The following CACNA2D1 variants were observed in gnomAD, a reference collection of about 807,000 sequenced individuals.
CACNA2D1 encodes the protein voltage-dependent calcium channel subunit alpha-2/delta-1.
CACNA2D1 carries 53 observed loss-of-function variants against 171.5 expected under a neutral mutation model. That is an observed-to-expected ratio of 0.31 (90% CI 0.25 to 0.39). The LOEUF (loss-of-function observed/expected upper bound fraction) is 0.39, where lower values mean the gene tolerates loss of function less well. Among genes scored for constraint, CACNA2D1 ranks in the 10% least tolerant of loss-of-function variants. The probability of loss-of-function intolerance (pLI) is 1.00; values close to 1 mark genes in which losing one functional copy is unlikely to be tolerated. For missense variants in CACNA2D1, 903 were observed against 1,299.8 expected (o/e 0.69, Z 4.69); for synonymous variants, 442 against 443.1 (o/e 1.00, Z 0.03).
At chr7:82,080,143 C>A (rs1266498724) in intron 7 of CACNA2D1, among the ~76,000 whole-genome samples, 2 of 54,696 alleles carry the variant, frequency 3.7e-5, no homozygotes, top group East Asian at 3.4e-4. Flanking sequence ...ATATACACAC[C>A]TATATACCTA....
At chr7:82,041,335 C>G (rs2131233836) in intron 10 of CACNA2D1, among the ~76,000 whole-genome samples, 1 of 152,136 alleles carries the variant, frequency 6.6e-6, no homozygotes, top group South Asian at 2.1e-4. Flanking sequence ...AGAGGAATGG[C>G]CCTTTAGGAA....
chr7:82,381,207 G>A (rs969963892), intron 1 of CACNA2D1, among the ~76,000 whole-genome samples: 7 of 151,766 alleles, frequency 4.6e-5, no homozygotes, highest in South Asian at 2.1e-4. Context: ...CCAGCTACCC[G>A]GGAGGCTGAG....
intron 1 of CACNA2D1, among the ~76,000 whole-genome samples, chr7:82,427,475 G>A (rs186857909): frequency 4.6e-5 from 7 of 152,280 alleles, no homozygotes; most frequent in African/African-American, 1.2e-4. Flanking sequence ...AAGATGTTAC[G>A]AAGGTAGGTC....
intron 3 of CACNA2D1, among the ~76,000 whole-genome samples, chr7:82,280,971 C>G (rs1313269383): frequency 6.6e-6 from 1 of 152,168 alleles, no homozygotes; most frequent in South Asian, 2.1e-4. Context: ...ATTTGGGTTT[C>G]CTTTAGCTGC....
At chr7:82,136,813 G>A in intron 4 of CACNA2D1, 137 bp from the exon 5 acceptor site, 1 of 643,858 alleles carries the variant, frequency 1.6e-6, no homozygotes, top group Non-Finnish European at 2.6e-6. Context: ...GATCCATAAG[G>A]ATTAGCCACT....
chr7:82,121,511 A>T (rs920672086), intron 5 of CACNA2D1, among the ~76,000 whole-genome samples: 1 of 152,200 alleles, frequency 6.6e-6, no homozygotes, highest in African/African-American at 2.4e-5. Flanking sequence ...GCCAGGTTGA[A>T]TATTAAATGA....
intron 1 of CACNA2D1, among the ~76,000 whole-genome samples, chr7:82,429,400 GA>G (rs1053599462): frequency 3.3e-5 from 5 of 150,894 alleles, no homozygotes; most frequent in Middle Eastern, 3.4e-3. Context: ...AAGGAAGAAG[GA>G]AAAAAAAATC....
intron 3 of CACNA2D1, among the ~76,000 whole-genome samples, chr7:82,228,196 T>C (rs1297313847): frequency 6.6e-6 from 1 of 152,174 alleles, no homozygotes; most frequent in African/African-American, 2.4e-5. Flanking sequence ...AGTCAGAGAC[T>C]ATAAGGAAAA....
intron 15 of CACNA2D1, among the ~76,000 whole-genome samples, chr7:82,010,261 CTG>C (rs1226259190): frequency 6.6e-6 from 1 of 151,832 alleles, no homozygotes; most frequent in East Asian, 1.9e-4. Flanking sequence ...TTTTAATCTG[CTG>C]TGTGGAGAGA....
chr7:82,346,648 T>G (rs1585592659), intron 2 of CACNA2D1, among the ~76,000 whole-genome samples: 1 of 152,230 alleles, frequency 6.6e-6, no homozygotes, highest in Middle Eastern at 3.4e-3. Flanking sequence ...GGTTTTAAAT[T>G]ATGCATGTAT....
chr7:82,432,903 C>T (rs943018056), intron 1 of CACNA2D1, among the ~76,000 whole-genome samples: 4 of 152,100 alleles, frequency 2.6e-5, no homozygotes, highest in Non-Finnish European at 2.9e-5. Context: ...CTAATGACAT[C>T]GGCTGGGTGT....
chr7:82,419,305 C>A (rs1468870838), intron 1 of CACNA2D1, among the ~76,000 whole-genome samples: 6 of 152,120 alleles, frequency 3.9e-5, no homozygotes, highest in Non-Finnish European at 7.3e-5. Context: ...AACAAATACC[C>A]TTAGCAAGAG....
intron 25 of CACNA2D1, among the ~76,000 whole-genome samples, chr7:81,972,975 T>C (rs1441800615): frequency 6.6e-6 from 1 of 152,000 alleles, no homozygotes; most frequent in Non-Finnish European, 1.5e-5. Flanking sequence ...AACTGAATCA[T>C]TTAAAAAACA....
intron 6 of CACNA2D1, among the ~76,000 whole-genome samples, chr7:82,111,132 T>C (rs1009955884): frequency 6.6e-6 from 1 of 151,374 alleles, no homozygotes; most frequent in Non-Finnish European, 1.5e-5. Context: ...TTAACATACA[T>C]ATATATTTGA....
At chr7:82,423,344 G>T (rs1273803080) in intron 1 of CACNA2D1, among the ~76,000 whole-genome samples, 1 of 152,052 alleles carries the variant, frequency 6.6e-6, no homozygotes, top group African/African-American at 2.4e-5. Flanking sequence ...TCTGCTTCTT[G>T]ACTATATACA....
chr7:82,179,606 G>C (rs191782379), intron 3 of CACNA2D1, among the ~76,000 whole-genome samples: 2 of 152,144 alleles, frequency 1.3e-5, no homozygotes. Flanking sequence ...TGTCCCATGT[G>C]ACCGCTCCTT....
chr7:82,098,440 T>C (rs1464183780), intron 6 of CACNA2D1, among the ~76,000 whole-genome samples: 1 of 152,196 alleles, frequency 6.6e-6, no homozygotes, highest in African/African-American at 2.4e-5. Flanking sequence ...TTTATTTGCC[T>C]TTTTCAAAAT....
intron 3 of CACNA2D1, among the ~76,000 whole-genome samples, chr7:82,294,324 CAT>C (rs1812008202): frequency 6.6e-6 from 1 of 152,022 alleles, no homozygotes; most frequent in African/African-American, 2.4e-5. Flanking sequence ...TCAGCTGTAA[CAT>C]AGATGCAGGA....
intron 1 of CACNA2D1, among the ~76,000 whole-genome samples, chr7:82,427,543 A>C (rs1382227239): frequency 6.6e-6 from 1 of 152,196 alleles, no homozygotes; most frequent in Non-Finnish European, 1.5e-5. Flanking sequence ...TTAGACTGTT[A>C]TCCTGCTTCT....
Sources: allele counts gnomAD v4.1 joint callset (sites outside exome capture counted in the v4.1 genomes callset), GRCh38; gene constraint gnomAD v4.1.1; transcripts MANE v1.5; gene names NCBI Gene and HGNC (gene_info 2026-07-23, HGNC 2026-07-21).